Variants in CSNK2A2 observed in about 807,000 individuals in gnomAD.
CSNK2A2 encodes the protein casein kinase 2 alpha 2, also known as casein kinase II subunit alpha'.
In CSNK2A2, 8 loss-of-function variants were observed where a neutral mutation model predicts 54.0. The ratio of observed to expected loss-of-function variants is 0.15; its 90% confidence interval spans 0.09 to 0.27. The LOEUF (loss-of-function observed/expected upper bound fraction) is 0.27. Among genes scored for constraint, CSNK2A2 ranks in the 10% least tolerant of loss-of-function variants. CSNK2A2 has a pLI of 1.00. For missense variants in CSNK2A2, 242 were observed against 439.4 expected (o/e 0.55, Z 4.02); for synonymous variants, 141 against 153.9 (o/e 0.92, Z 0.62).
rs1962465543 is a variant in CSNK2A2 at position 58,196,802 on chromosome 16, T to C, written c.147A>G (p.Gly49=). 7 of 1,613,998 alleles carry C rather than the reference T, an allele frequency of 4.3e-6. No homozygotes were observed. The highest frequency in any genetic ancestry group is 3.4e-6 in the Non-Finnish European group (4 of 1,179,892). ...DYQLVRKLGR[G]KYSEVFEAIN... ...TGGCCTCAAATACTTCACTATATTT[T>C]CCCCGACCAAGTTTTCGAACCAGTT... The change falls in exon 2 of 12, where the codon GGA becomes GGG. Residue 49 remains glycine, a synonymous_variant. Coordinates refer to ENST00000262506, the MANE Select transcript of CSNK2A2 (RefSeq NM_001896.4).
intron 10 of CSNK2A2, among the ~76,000 whole-genome samples, chr16:58,165,195 TTAC>T (rs1961531482): frequency 6.6e-6 from 1 of 152,232 alleles, no homozygotes; most frequent in Non-Finnish European, 1.5e-5. Flanking sequence ...AATAGTTATC[TTAC>T]TACTTTTAAC....
intron 2 of CSNK2A2, among the ~76,000 whole-genome samples, chr16:58,195,686 A>G (rs1962425360): frequency 6.6e-6 from 1 of 151,544 alleles, no homozygotes; most frequent in African/African-American, 2.5e-5. Flanking sequence ...AAACATTATT[A>G]AAGCTACACA....
chr16:58,189,996 C>A (rs1962287495), intron 2 of CSNK2A2, among the ~76,000 whole-genome samples: 1 of 152,064 alleles, frequency 6.6e-6, no homozygotes, highest in Non-Finnish European at 1.5e-5. Flanking sequence ...GGAAAATAAA[C>A]CTAGTTTTAC....
At chr16:58,167,373 CT>C in intron 7 of CSNK2A2, 65 bp from the exon 8 acceptor site, 1 of 1,297,376 alleles carries the variant, frequency 7.7e-7, no homozygotes. Flanking sequence ...ATATAAATTT[CT>C]TTTTTAGACG....
At position 58,166,840 on chromosome 16, in the gene CSNK2A2, C is replaced by T. The variant is rs553307270; in HGVS notation, c.727-156G>A. Among the ~76,000 whole-genome samples the T allele has an allele frequency of 7.2e-5, 11 of 152,252 alleles. No individual in the cohort carries two copies. In the South Asian group the frequency reaches 2.3e-3, roughly 32 times the overall value. ...CAGGGCAGGCAGACAGACCCAAGGACAAGAAGTTCACATGAATGCAAATTT... is the reference window on the plus strand; with the variant it reads ...CAGGGCAGGCAGACAGACCCAAGGATAAGAAGTTCACATGAATGCAAATTT... On this transcript the variant is annotated intron_variant, in intron 8 of 11. Coordinates refer to ENST00000262506, the MANE Select transcript of CSNK2A2 (RefSeq NM_001896.4).
chr16:58,197,541 G>T lies in CSNK2A2; in HGVS notation c.104+92C>A. 1.3e-6 allele frequency: 1 copy of T among 750,580 alleles called. No homozygotes were observed. Among genetic ancestry groups the T allele is most frequent in the Non-Finnish European group, 2.0e-6 (1 of 494,134 alleles). The allele number at this position is 750,580 out of a possible 1,614,324, so 46.5% of individuals were successfully genotyped here. On this transcript the variant is annotated intron_variant, in intron 1 of 11. Transcript: ENST00000262506. The surrounding 1 kb of genome is among the most constrained non-coding windows in gnomAD (Gnocchi z 4.0). ...CTGCGGGCCCGCGGAGGGGTCGGCGGGAGACACCACCGGGCCCGAGTGCGG... is the reference window on the plus strand; with the variant it reads ...CTGCGGGCCCGCGGAGGGGTCGGCGTGAGACACCACCGGGCCCGAGTGCGG...
At position 58,196,787 on chromosome 16, in the gene CSNK2A2, T is replaced by C. The variant is rs1962465249; in HGVS notation, c.162A>G (p.Val54=). ...RKLGRGKYSE[V]FEAINITNNE... is the part of the protein sequence containing the mutation. ...TGTTGGTGATATTAATGGCCTCAAA[T>C]ACTTCACTATATTTTCCCCGACCAA... Residue 54 remains valine, a synonymous_variant, in exon 2 of 12, where the codon GTA becomes GTG. Transcript: ENST00000262506. The C allele has an allele frequency of 1.2e-6, 2 of 1,613,902 alleles. No homozygotes were observed. The highest frequency in any genetic ancestry group is 1.6e-4 in the Middle Eastern group (1 of 6,084).
intron 4 of CSNK2A2, among the ~76,000 whole-genome samples, chr16:58,183,800 C>A (rs1399758965): frequency 1.3e-5 from 2 of 152,088 alleles, no homozygotes; most frequent in East Asian, 3.9e-4. Flanking sequence ...AAAGCACTGA[C>A]TCTGGTTTTT....
intron 8 of CSNK2A2, among the ~76,000 whole-genome samples, 172 bp downstream of exon 8, chr16:58,167,035 A>C (rs1006625631): frequency 3.3e-5 from 5 of 152,206 alleles, no homozygotes; most frequent in African/African-American, 1.2e-4. Context: ...ATCTGCCTCT[A>C]CTTCTGCGGA....
chr16:58,184,175 C>A (rs1191639679), intron 4 of CSNK2A2, 85 bp downstream of exon 4: 42 of 1,008,626 alleles, frequency 4.2e-5, no homozygotes, highest in Non-Finnish European at 5.7e-5. Context: ...ACAGCCCTGG[C>A]CCCTTGGGTT....
At chr16:58,165,969 A>T (rs903104282) in intron 9 of CSNK2A2, among the ~76,000 whole-genome samples, 227 of 152,320 alleles carry the variant, frequency 1.5e-3, no homozygotes, top group African/African-American at 5.0e-3. Context: ...ATTATTTTTT[A>T]TGCTGTAGAC....
intron 3 of CSNK2A2, among the ~76,000 whole-genome samples, chr16:58,186,544 T>C (rs899331133): frequency 6.6e-6 from 1 of 152,200 alleles, no homozygotes; most frequent in Non-Finnish European, 1.5e-5. Context: ...AAAAGGGATT[T>C]TTCTCTGTAC....
In CSNK2A2 at chr16:58,197,531, G is replaced by T; in HGVS notation, c.104+102C>A. 1.7e-6 allele frequency: 1 copy of T among 595,270 alleles called. No individual in the cohort carries two copies. The highest frequency in any genetic ancestry group is 2.7e-6 in the Non-Finnish European group (1 of 368,642). 36.9% of individuals were successfully genotyped at this position (595,270 alleles called of 1,614,324 possible). A position where few individuals can be genotyped will look rare whatever the true frequency, so the allele number is the denominator to read the frequency against. On this transcript the variant is annotated intron_variant, in intron 1 of 11. Transcript: ENST00000262506. This position sits in a 1 kb window ranked among gnomAD's most constrained non-coding sequence, Gnocchi z 4.0. ...CTCTGCCTCCCTGCGGGCCCGCGGAGGGGTCGGCGGGAGACACCACCGGGC... is the reference window on the plus strand; with the variant it reads ...CTCTGCCTCCCTGCGGGCCCGCGGATGGGTCGGCGGGAGACACCACCGGGC...
chr16:58,181,848 G>C (rs12149696), intron 4 of CSNK2A2, among the ~76,000 whole-genome samples: 10,191 of 152,124 alleles, frequency 0.067, 416 homozygotes, highest in South Asian at 0.2. Context: ...ACGTCATTGT[G>C]AAATTTCAGA....
intron 2 of CSNK2A2, among the ~76,000 whole-genome samples, chr16:58,189,198 C>T (rs1260638407): frequency 3.3e-5 from 5 of 152,054 alleles, no homozygotes; most frequent in African/African-American, 9.7e-5. Flanking sequence ...TCAGGTGATC[C>T]GCCTGCCTCA....
intron 2 of CSNK2A2, among the ~76,000 whole-genome samples, chr16:58,191,235 T>TG (rs1428544235): frequency 2.0e-5 from 3 of 152,240 alleles, no homozygotes; most frequent in Non-Finnish European, 4.4e-5. Context: ...AGGTAGTTAC[T>TG]GTTTAATGGA....
At position 58,158,801 on chromosome 16, in the gene CSNK2A2, G is replaced by T. The variant is rs571752491; in HGVS notation, c.*18-448C>A. The T allele has an allele frequency of 2.0e-5, 3 of 152,298 alleles. No homozygotes were observed. The East Asian group carries it at 5.8e-4, about 29-fold the overall frequency. 9.4% of individuals were successfully genotyped at this position (152,298 alleles called of 1,614,324 possible). A position where few individuals can be genotyped will look rare whatever the true frequency, so the allele number is the denominator to read the frequency against. ...CGGGGTCTGTATTTACTCAGAAAAA[G>T]GGCTGAGTCCACTAATAAACAAAGA... On this transcript the variant is annotated intron_variant, in intron 11 of 11. Coordinates refer to ENST00000262506, the MANE Select transcript of CSNK2A2 (RefSeq NM_001896.4).
At chr16:58,179,606 T>C (rs1359222096) in intron 4 of CSNK2A2, among the ~76,000 whole-genome samples, 1 of 152,152 alleles carries the variant, frequency 6.6e-6, no homozygotes, top group Non-Finnish European at 1.5e-5. Context: ...GAATATATAC[T>C]GATTGTGCTA....
chr16:58,187,344 C>T (rs145570506), intron 2 of CSNK2A2, among the ~76,000 whole-genome samples: 129 of 152,192 alleles, frequency 8.5e-4, no homozygotes, highest in South Asian at 7.1e-3. Context: ...CAGCTGCTGG[C>T]TCTCATTTCC....
Sources: gnomAD v4.1 joint callset for allele counts (sites outside exome capture counted in the v4.1 genomes callset) on GRCh38, gnomAD v4.1.1 for gene constraint, Gnocchi (gnomAD v3.1) non-coding constraint, MANE v1.5 for transcripts, NCBI Gene and HGNC (gene_info 2026-07-23, HGNC 2026-07-21) for gene names.